Variants in THSD7B observed in about 807,000 individuals in gnomAD.
THSD7B encodes thrombospondin type 1 domain containing 7B.
Under a neutral mutation model 213.6 loss-of-function variants are expected in THSD7B, and 138 were observed. The ratio of observed to expected loss-of-function variants is 0.65; its 90% CI spans 0.56 to 0.74. The LOEUF (loss-of-function observed/expected upper bound fraction) is 0.74. Among genes scored for constraint, THSD7B ranks in the 30% least tolerant of loss-of-function variants. The pLI is 0.00. For synonymous variants in THSD7B, 742 were observed against 687.0 expected, an observed-to-expected ratio of 1.08 and a Z score of -1.25; for missense variants, 1,931 against 1,991.5, an observed-to-expected ratio of 0.97 and a Z score of 0.58.
At chr2:136,874,551 G>C (rs575376271) in intron 1 of THSD7B, among the ~76,000 whole-genome samples, 2 of 152,102 alleles carry the variant, frequency 1.3e-5, no homozygotes, top group Non-Finnish European at 2.9e-5. Flanking sequence ...AAAGCAAATT[G>C]AAACTATTTT....
chr2:137,115,242 G>T lies in THSD7B; in HGVS notation c.1318G>T (p.Val440Leu), dbSNP rs778932371. Residue 440 changes from valine (V) to leucine (L), a missense_variant, in exon 5 of 28, where the codon GTG becomes TTG. Coordinates refer to ENST00000409968, the MANE Select transcript of THSD7B (RefSeq NM_001316349.2). ...VCGGGIQTREVYCAQSVPAAA... is the reference protein window; with the variant it reads ...VCGGGIQTRELYCAQSVPAAA... Reference sequence around the variant, plus strand: ...TGGCGGTGGGATCCAGACCCGGGAGGTGTACTGTGCCCAGAGCGTACCAGC... The same window carrying T: ...TGGCGGTGGGATCCAGACCCGGGAGTTGTACTGTGCCCAGAGCGTACCAGC... 1.7e-5 allele frequency: 27 copies of T among 1,612,942 alleles called. No homozygotes were observed. The highest frequency in any genetic ancestry group is 6.7e-5 in the African/African-American group (5 of 74,902).
At chr2:137,554,725 G>A (rs376389038) in intron 15 of THSD7B, among the ~76,000 whole-genome samples, 44 of 152,256 alleles carry the variant, frequency 2.9e-4, no homozygotes, top group African/African-American at 7.0e-4. Flanking sequence ...GCAGTGCACC[G>A]AGCGTGAGCC....
At chr2:137,345,893 A>G (rs7592945) in intron 12 of THSD7B, among the ~76,000 whole-genome samples, 5,447 of 151,702 alleles carry the variant, frequency 0.036, 329 homozygotes, top group African/African-American at 0.12. Context: ...ACACACACAC[A>G]TATATACACA....
intron 1 of THSD7B, among the ~76,000 whole-genome samples, chr2:136,817,622 C>T (rs2104935145): frequency 6.6e-6 from 1 of 151,624 alleles, no homozygotes; most frequent in East Asian, 1.9e-4. Flanking sequence ...AATAGGGAAT[C>T]CTTTCCCCAT....
intron 5 of THSD7B, among the ~76,000 whole-genome samples, chr2:137,159,785 T>C (rs1441263262): frequency 6.6e-6 from 1 of 152,202 alleles, no homozygotes; most frequent in Non-Finnish European, 1.5e-5. Flanking sequence ...AGCAGTAAAT[T>C]GGTTATGCTA....
At chr2:137,280,110 G>C (rs1434203459) in intron 12 of THSD7B, among the ~76,000 whole-genome samples, 13 of 152,126 alleles carry the variant, frequency 8.5e-5, no homozygotes, top group Admixed American at 7.9e-4. Flanking sequence ...TAAACACTAA[G>C]GGTGAGTGTT....
chr2:137,313,574 A>G (rs1326810643), intron 12 of THSD7B, among the ~76,000 whole-genome samples: 5,869 of 146,738 alleles, frequency 0.04, 157 homozygotes, highest in East Asian at 0.073. Flanking sequence ...GATTTTGCTC[A>G]TTAGTTGATG....
At chr2:136,815,223 G>A (rs961719679) in intron 1 of THSD7B, among the ~76,000 whole-genome samples, 16 of 152,222 alleles carry the variant, frequency 1.1e-4, no homozygotes, top group African/African-American at 3.6e-4. Flanking sequence ...ATAAATGGCT[G>A]TTGCTGCCTG....
At chr2:137,184,772 G>T (rs1185140896) in intron 7 of THSD7B, among the ~76,000 whole-genome samples, 1 of 152,054 alleles carries the variant, frequency 6.6e-6, no homozygotes, top group Non-Finnish European at 1.5e-5. Context: ...CAGAGGCAAG[G>T]CAAAAATAAT....
At chr2:137,532,510 C>A (rs1472582372) in intron 15 of THSD7B, among the ~76,000 whole-genome samples, 1 of 151,574 alleles carries the variant, frequency 6.6e-6, no homozygotes, top group Non-Finnish European at 1.5e-5. Flanking sequence ...GGATCATAGC[C>A]CTTAGGGAAA....
At chr2:136,963,919 A>G (rs1427478863) in intron 2 of THSD7B, among the ~76,000 whole-genome samples, 2 of 152,226 alleles carry the variant, frequency 1.3e-5, no homozygotes, top group Non-Finnish European at 2.9e-5. Flanking sequence ...TCATCTATTT[A>G]TTTGGGTTAC....
chr2:137,108,163 A>C (rs1475594906), intron 4 of THSD7B, among the ~76,000 whole-genome samples: 4 of 152,224 alleles, frequency 2.6e-5, no homozygotes, highest in African/African-American at 7.2e-5. Flanking sequence ...TTATTCTTTC[A>C]ATCTGTCATC....
At position 137,232,899 on chromosome 2, in the gene THSD7B, G is replaced by C; in HGVS notation, c.1916G>C (p.Gly639Ala). 6.2e-7 allele frequency: 1 copy of C among 1,613,688 alleles called. No individual in the cohort carries two copies. Among genetic ancestry groups the C allele is most frequent in the Non-Finnish European group, 8.5e-7 (1 of 1,179,686 alleles). The change falls in exon 9 of 28, where the codon GGT (glycine) becomes GCT (alanine). Residue 639 changes from glycine to alanine, a missense_variant and splice_region_variant. Physicochemically the swap from Gly to Ala is moderately conservative, Grantham distance 60. Coordinates refer to ENST00000409968, the MANE Select transcript of THSD7B (RefSeq NM_001316349.2). ...SRTILALAGE[G>A]GKPCPPSQAL... is the part of the protein sequence containing the mutation. ...TACCTTTTGTTCTTATTTTTGGCAG[G>C]TGGAAAGCCATGTCCCCCTAGTCAG...
rs556900414 is a variant in THSD7B, at chr2:136,772,072, C to G, written c.-36+6385C>G. On this transcript the variant is annotated intron_variant, in intron 1 of 27. Transcript: ENST00000409968. The stretch of plus-strand genomic sequence containing the variant: ...TGTAATAGGAAACAATCTGAGGGAC[C>G]TCTGGTACCTTGTCTAAGGTGAATG... Among the ~76,000 whole-genome samples, 161 of 152,058 alleles carry G rather than the reference C, an allele frequency of 1.1e-3. 1 individual carries two copies. The highest frequency in any genetic ancestry group is 2.6e-3 in the Admixed American group (39 of 15,256).
chr2:136,995,151 C>G (rs570341668), intron 2 of THSD7B, among the ~76,000 whole-genome samples: 65 of 152,276 alleles, frequency 4.3e-4, no homozygotes, highest in African/African-American at 1.4e-3. Context: ...CTACCCAACC[C>G]AGGACTCTAT....
chr2:137,602,273 T>G (rs948072544), intron 17 of THSD7B, among the ~76,000 whole-genome samples: 1 of 151,962 alleles, frequency 6.6e-6, no homozygotes, highest in East Asian at 1.9e-4. Context: ...TTGTTTTTGT[T>G]TTTGTATTAT....
Position 137,676,669 on chromosome 2 carries a change from A to G in THSD7B, c.*64A>G. On this transcript the variant is annotated 3_prime_UTR_variant, in exon 28 of 28. Coordinates refer to ENST00000409968, the MANE Select transcript of THSD7B (RefSeq NM_001316349.2). ...AACCGCTTTCTCTTTTGTAGCTCTC[A>G]GACTTCTCAGTTTTTTGAGGAATCT... The G allele has an allele frequency of 7.1e-7, 1 of 1,405,486 alleles. No individual in the cohort carries two copies. Among genetic ancestry groups the G allele is most frequent in the South Asian group, 1.4e-5 (1 of 70,336 alleles). 87.1% of individuals were successfully genotyped at this position (1,405,486 alleles called of 1,614,324 possible).
intron 25 of THSD7B, among the ~76,000 whole-genome samples, chr2:137,662,055 CTTTTTTCTT>C (rs1683354471): frequency 1.4e-5 from 2 of 142,332 alleles, no homozygotes; most frequent in African/African-American, 5.4e-5. Context: ...CAGGTGTTTT[CTTTTTTCTT>C]TTTTTTTTTT....
intron 20 of THSD7B, among the ~76,000 whole-genome samples, chr2:137,623,571 G>T (rs547985643): frequency 8.9e-4 from 135 of 152,186 alleles, no homozygotes; most frequent in Non-Finnish European, 1.8e-3. Flanking sequence ...ATTGTATATT[G>T]AGAAAACCCC....
Sources: allele counts gnomAD v4.1 joint callset (sites outside exome capture counted in the v4.1 genomes callset), GRCh38; gene constraint gnomAD v4.1.1; transcripts MANE v1.5; gene names NCBI Gene and HGNC (gene_info 2026-07-23, HGNC 2026-07-21).